The following ARL1 variants were observed in gnomAD, a reference collection of about 807,000 sequenced individuals.
ARL1 encodes ADP-ribosylation factor-like protein 1.
Under a neutral mutation model 30.1 loss-of-function variants are expected in ARL1, and 17 were observed. That is an observed-to-expected ratio of 0.56 (90% CI 0.39 to 0.85). The LOEUF (loss-of-function observed/expected upper bound fraction) is 0.85, where lower values mean the gene tolerates loss of function less well. Among genes scored for constraint, ARL1 ranks in the 40% least tolerant of loss-of-function variants. The pLI is 0.00. For synonymous variants in ARL1, 58 were observed against 71.7 expected, an observed-to-expected ratio of 0.81 and a Z score of 0.97; for missense variants, 102 against 212.6, an observed-to-expected ratio of 0.48 and a Z score of 3.24.
Position 101,401,153 on chromosome 12 carries a change from T to A in ARL1, c.245A>T (p.Tyr82Phe). Residue 82 changes from tyrosine (Y) to phenylalanine (F), a missense_variant, in exon 4 of 6, where the codon TAT (tyrosine) becomes TTT (phenylalanine). Transcript: ENST00000261636. ...ATAAATGACTGCATCTGTGTTTGAATAGTAACATCTCCAGTATGGCCTAGA... is the reference window on the plus strand; with the variant it reads ...ATAAATGACTGCATCTGTGTTTGAAAAGTAACATCTCCAGTATGGCCTAGA... Reference protein sequence around the residue: ...TSIRPYWRCYYSNTDAVIYVV... With the variant: ...TSIRPYWRCYFSNTDAVIYVV... 1 of 1,613,058 alleles carries A rather than the reference T, an allele frequency of 6.2e-7. No homozygotes were observed. Among genetic ancestry groups the A allele is most frequent in the Non-Finnish European group, 8.5e-7 (1 of 1,179,258 alleles).
intron 1 of ARL1, 74 bp downstream of exon 1, chr12:101,407,567 CT>C: frequency 1.9e-6 from 3 of 1,595,530 alleles, no homozygotes; most frequent in Non-Finnish European, 1.7e-6. Context: ...TGGCCGGCCC[CT>C]CTCCTCCTCT....
Position 101,394,461 on chromosome 12 carries a change from T to C in ARL1, c.*1179A>G, listed in dbSNP as rs1223059692. The C allele has an allele frequency of 6.6e-6, 1 of 152,232 alleles. No homozygotes were observed. Among genetic ancestry groups the C allele is most frequent in the Non-Finnish European group, 1.5e-5 (1 of 68,042 alleles). The allele number at this position is 152,232 out of a possible 1,614,324, so 9.4% of individuals were successfully genotyped here. A position where few individuals can be genotyped will look rare whatever the true frequency, so the allele number is the denominator to read the frequency against. On this transcript the variant is annotated 3_prime_UTR_variant, in exon 6 of 6. Transcript: ENST00000261636. ...AAGCTCCTTTGAACATGAATTGTTT[T>C]TAAACTTACAGTCTAGCAATAAGCC...
chr12:101,402,419 C>A (rs946042717), intron 3 of ARL1, among the ~76,000 whole-genome samples: 3 of 152,220 alleles, frequency 2.0e-5, no homozygotes, highest in Non-Finnish European at 2.9e-5. Context: ...CAACTCCTGA[C>A]CTGATGATCC....
At chr12:101,407,525 C>T (rs2121132785) in intron 1 of ARL1, 117 bp downstream of exon 1, 1 of 1,386,838 alleles carries the variant, frequency 7.2e-7, no homozygotes, top group Non-Finnish European at 9.9e-7. Context: ...CCGCGACCCG[C>T]CCCCTGAGGA....
At chr12:101,396,038 G>C (rs1336244145) in intron 5 of ARL1, 2 of 550,542 alleles carry the variant, frequency 3.6e-6, no homozygotes, top group Non-Finnish European at 6.4e-6. Flanking sequence ...CTGTGACAAG[G>C]GCATCTAACT....
chr12:101,401,252 C>A, intron 3 of ARL1, 79 bp from the exon 4 acceptor site: 1 of 906,660 alleles, frequency 1.1e-6, no homozygotes, highest in Non-Finnish European at 1.8e-6. Flanking sequence ...CAATTCTGTC[C>A]CACACATGTT....
chr12:101,405,333 TTA>T (rs1301968510), intron 2 of ARL1, among the ~76,000 whole-genome samples: 2 of 152,202 alleles, frequency 1.3e-5, no homozygotes, highest in Non-Finnish European at 2.9e-5. Context: ...CACTTAACAT[TTA>T]TATAATTCTT....
chr12:101,402,856 G>C lies in ARL1; in HGVS notation c.224+9C>G. On this transcript the variant is annotated intron_variant, in intron 3 of 5. Coordinates refer to ENST00000261636, the MANE Select transcript of ARL1 (RefSeq NM_001177.6). ...AATACTACCAAATAACCTGGTCTTTGTACCATACCTGATACTTGTCTGTCC... is the reference window on the plus strand; with the variant it reads ...AATACTACCAAATAACCTGGTCTTTCTACCATACCTGATACTTGTCTGTCC... 6.2e-7 allele frequency: 1 copy of C among 1,600,128 alleles called. No individual in the cohort carries two copies. The highest frequency in any genetic ancestry group is 8.6e-7 in the Non-Finnish European group (1 of 1,168,308).
In ARL1 at chr12:101,406,279, T is replaced by G. The variant is rs145712650; in HGVS notation, c.5-298A>C. Among the ~76,000 whole-genome samples the G allele has an allele frequency of 7.2e-3, 1,094 of 152,186 alleles. 13 individuals are homozygous for G. The highest frequency in any genetic ancestry group is 0.025 in the African/African-American group (1,024 of 41,522). On this transcript the variant is annotated intron_variant, in intron 1 of 5. Transcript: ENST00000261636. ...GAATCTCATTTTCTAATCAGCAGAA[T>G]AGGAATATTTTAGCATGATCCCCTC... is the stretch of plus-strand genomic sequence containing the variant.
At position 101,396,385 on chromosome 12, in the gene ARL1, A is replaced by G. The variant is rs764742890; in HGVS notation, c.515+14T>C. The G allele has an allele frequency of 1.7e-5, 27 of 1,614,026 alleles. No individual in the cohort carries two copies. The highest frequency in any genetic ancestry group is 2.0e-5 in the Non-Finnish European group (24 of 1,179,876). ...CACAAATGCACAGATGGCTTCTGGA[A>G]GCATGATACTTGCCATTCCATTGCC... On this transcript the variant is annotated intron_variant, in intron 5 of 5. Transcript: ENST00000261636.
Position 101,407,767 on chromosome 12 carries a change from G to GGCGGGA in ARL1, c.-123_-122insTCCCGC, listed in dbSNP as rs1871491724. On this transcript the variant is annotated 5_prime_UTR_variant, in exon 1 of 6. Transcript: ENST00000261636. ...ACTTCCACGTCGGACTCCAGGCGGG[G>GGCGGGA]GCGGGAGCGAGGGTCAGCTGCGACT... The GGCGGGA allele has an allele frequency of 2.0e-6, 3 of 1,464,560 alleles. No homozygotes were observed. The highest frequency in any genetic ancestry group is 1.1e-5 in the South Asian group (1 of 87,898). 90.7% of individuals were successfully genotyped at this position (1,464,560 alleles called of 1,614,324 possible).
At chr12:101,400,415 A>G (rs1416019145) in intron 4 of ARL1, 1 of 152,104 alleles carries the variant, frequency 6.6e-6, no homozygotes, top group Non-Finnish European at 1.5e-5. Context: ...AGAAAAAGAA[A>G]AAGAAAAAAA....
intron 1 of ARL1, among the ~76,000 whole-genome samples, chr12:101,406,771 T>A (rs1871454369): frequency 6.6e-6 from 1 of 152,082 alleles, no homozygotes; most frequent in African/African-American, 2.4e-5. Flanking sequence ...TTCAACAGAA[T>A]AGGTGTGACT....
chr12:101,395,994 T>A (rs1304080355), intron 5 of ARL1: 1 of 522,298 alleles, frequency 1.9e-6, no homozygotes, highest in Non-Finnish European at 3.4e-6. Context: ...AAATCAAACT[T>A]ACAAGACAGC....
chr12:101,393,564 T>C lies in ARL1; in HGVS notation c.*2076A>G, dbSNP rs1350854748. 3 of 152,326 alleles carry C rather than the reference T, an allele frequency of 2.0e-5. No individual in the cohort carries two copies. The highest frequency in any genetic ancestry group is 3.4e-3 in the Middle Eastern group (1 of 294). The allele number at this position is 152,326 out of a possible 1,614,324, so 9.4% of individuals were successfully genotyped here. A position where few individuals can be genotyped will look rare whatever the true frequency, so the allele number is the denominator to read the frequency against. On this transcript the variant is annotated 3_prime_UTR_variant, in exon 6 of 6. Transcript: ENST00000261636. Reference sequence around the variant, plus strand: ...AACGCTGGTAGTATACCTGTGCAGTTGTCTCCTGCTAGACAAGGACCATAT... The same window carrying C: ...AACGCTGGTAGTATACCTGTGCAGTCGTCTCCTGCTAGACAAGGACCATAT...
At chr12:101,402,439 G>A (rs753385783) in intron 3 of ARL1, among the ~76,000 whole-genome samples, 11 of 152,092 alleles carry the variant, frequency 7.2e-5, no homozygotes, top group Admixed American at 1.3e-4. Context: ...CGCCCACCTC[G>A]GCCTCCCAAA....
intron 5 of ARL1, chr12:101,396,128 A>C: frequency 1.7e-6 from 1 of 598,594 alleles, no homozygotes; most frequent in East Asian, 2.8e-5. Context: ...TAATTCCTGA[A>C]GGATAAGGAA....
intron 2 of ARL1, among the ~76,000 whole-genome samples, chr12:101,403,909 G>A (rs1042707489): frequency 1.3e-5 from 2 of 152,062 alleles, no homozygotes; most frequent in African/African-American, 2.4e-5. Flanking sequence ...GCAGTGAGCC[G>A]AGATCTTGCC....
intron 1 of ARL1, 60 bp from the exon 2 acceptor site, chr12:101,406,041 ACATCTAACCT>A: frequency 7.4e-7 from 1 of 1,357,820 alleles, no homozygotes; most frequent in Admixed American, 2.4e-5. Flanking sequence ...GGTATACAAA[ACATCTAACCT>A]TGTCCTTTGA....
Sources: gnomAD v4.1 joint callset for allele counts (sites outside exome capture counted in the v4.1 genomes callset) on GRCh38, gnomAD v4.1.1 for gene constraint, MANE v1.5 for transcripts, NCBI Gene and HGNC (gene_info 2026-07-23, HGNC 2026-07-21) for gene names.